The following RAB28 variants were observed in gnomAD, a reference collection of about 807,000 sequenced individuals.
RAB28 encodes ras-related protein Rab-28.
A neutral mutation model predicts 31.7 loss-of-function variants in RAB28; 24 were observed. That is an observed-to-expected ratio of 0.76 (90% CI 0.55 to 1.06). The LOEUF (loss-of-function observed/expected upper bound fraction) is 1.06, where lower values mean the gene tolerates loss of function less well. RAB28 is among the 50% of genes least tolerant of loss of function. The probability of loss-of-function intolerance (pLI) is 0.00; values close to 1 mark genes in which losing one functional copy is unlikely to be tolerated. For synonymous variants in RAB28, 100 were observed against 90.4 expected, an observed-to-expected ratio of 1.11 and a Z score of -0.60; for missense variants, 254 against 258.5, an observed-to-expected ratio of 0.98 and a Z score of 0.12.
intron 4 of RAB28, among the ~76,000 whole-genome samples, chr4:13,383,588 G>A (rs984236111): frequency 4.6e-5 from 7 of 152,090 alleles, no homozygotes; most frequent in Admixed American, 6.6e-5. Context: ...CTCATCTTGG[G>A]TGGCTGTGTC....
At chr4:13,468,821 A>G (rs908991364) in intron 3 of RAB28, among the ~76,000 whole-genome samples, 2 of 151,816 alleles carry the variant, frequency 1.3e-5, no homozygotes, top group African/African-American at 4.8e-5. Context: ...ACAAACCTCT[A>G]GTCAGGCTAA....
chr4:13,406,038 CAT>C (rs1712060785), intron 4 of RAB28, among the ~76,000 whole-genome samples: 1 of 152,130 alleles, frequency 6.6e-6, no homozygotes, highest in Non-Finnish European at 1.5e-5. Context: ...TTTTGGGACA[CAT>C]GTGCAGAACA....
At chr4:13,467,781 A>G (rs1715932010) in intron 3 of RAB28, among the ~76,000 whole-genome samples, 1 of 152,030 alleles carries the variant, frequency 6.6e-6, no homozygotes, top group Admixed American at 6.6e-5. Context: ...TAACCCAGCT[A>G]TATCAATAAA....
At chr4:13,461,631 T>C (rs544508838) in intron 3 of RAB28, among the ~76,000 whole-genome samples, 4 of 152,306 alleles carry the variant, frequency 2.6e-5, no homozygotes, top group African/African-American at 9.6e-5. Flanking sequence ...AAGGATTGCT[T>C]CCTGCCTCTT....
intron 4 of RAB28, among the ~76,000 whole-genome samples, chr4:13,402,577 T>C (rs1711833145): frequency 2.6e-5 from 4 of 152,222 alleles, no homozygotes; most frequent in Non-Finnish European, 5.9e-5. Flanking sequence ...TTGCAAAATA[T>C]ACCTTTTCCC....
chr4:13,412,957 G>GGACGT (rs1712527420), intron 4 of RAB28, among the ~76,000 whole-genome samples: 3 of 151,384 alleles, frequency 2.0e-5, no homozygotes, highest in Admixed American at 2.0e-4. Flanking sequence ...AAAAGATAAG[G>GGACGT]GACATGAAAG....
intron 4 of RAB28, among the ~76,000 whole-genome samples, chr4:13,431,096 C>G (rs894672952): frequency 6.6e-6 from 1 of 152,210 alleles, no homozygotes; most frequent in African/African-American, 2.4e-5. Flanking sequence ...CAGGCTTTCA[C>G]AAAGGGCGAG....
chr4:13,462,916 T>C (rs1715668412), intron 3 of RAB28, among the ~76,000 whole-genome samples: 1 of 152,118 alleles, frequency 6.6e-6, no homozygotes, highest in African/African-American at 2.4e-5. Flanking sequence ...CTGCCATGGG[T>C]GATATATTAT....
intron 5 of RAB28, among the ~76,000 whole-genome samples, chr4:13,378,879 A>G (rs1224170330): frequency 6.6e-6 from 1 of 152,086 alleles, no homozygotes; most frequent in Non-Finnish European, 1.5e-5. Context: ...AGAATAGAGG[A>G]GGATAGTTTG....
chr4:13,439,303 G>T lies in RAB28; in HGVS notation c.391+21396C>A, dbSNP rs1020570986. On this transcript the variant is annotated intron_variant, in intron 4 of 6. Transcript: ENST00000330852. ...TTTTCTTTGGTTGCTTGTGCTTTAG[G>T]TTTTATATTTAAGTATTTAAGACAC... Among the ~76,000 whole-genome samples, 20 of 151,644 alleles carry T rather than the reference G, an allele frequency of 1.3e-4. No individual in the cohort carries two copies. The East Asian group carries it at 3.7e-3, about 28-fold the overall frequency.
intron 4 of RAB28, among the ~76,000 whole-genome samples, chr4:13,399,791 T>C (rs1366398328): frequency 6.6e-6 from 1 of 152,182 alleles, no homozygotes; most frequent in African/African-American, 2.4e-5. Flanking sequence ...AGTATACCAG[T>C]CTTTTTCAGT....
rs1169744272 is a variant in RAB28 at position 13,453,226 on chromosome 4, A to C, written c.391+7473T>G. Among the ~76,000 whole-genome samples, 3 of 152,130 alleles carry C rather than the reference A, an allele frequency of 2.0e-5. No individual in the cohort carries two copies. In the East Asian group the frequency reaches 5.8e-4, roughly 29 times the overall value. ...TTGTTTATTTGTCTTAATATATTAAATAAGTCTATCTTTTAAATAAGAAAT... is the reference window on the plus strand; with the variant it reads ...TTGTTTATTTGTCTTAATATATTAACTAAGTCTATCTTTTAAATAAGAAAT... On this transcript the variant is annotated intron_variant, in intron 4 of 6. Transcript: ENST00000330852.
At chr4:13,405,585 G>A (rs1416875189) in intron 4 of RAB28, among the ~76,000 whole-genome samples, 1 of 151,986 alleles carries the variant, frequency 6.6e-6, no homozygotes, top group East Asian at 1.9e-4. Context: ...CCCAATATTT[G>A]TCAGAAATAC....
At chr4:13,460,545 T>C (rs1413678011) in intron 4 of RAB28, among the ~76,000 whole-genome samples, 154 bp downstream of exon 4, 1 of 152,132 alleles carries the variant, frequency 6.6e-6, no homozygotes, top group Non-Finnish European at 1.5e-5. Flanking sequence ...TCCACTCTCA[T>C]GACCTAATTA....
At chr4:13,443,198 G>A (rs1003303708) in intron 4 of RAB28, among the ~76,000 whole-genome samples, 25 of 149,584 alleles carry the variant, frequency 1.7e-4, no homozygotes, top group African/African-American at 5.2e-4. Flanking sequence ...TTTTTGAGAC[G>A]GAGTCTCCTT....
chr4:13,386,197 A>G (rs907144296), intron 4 of RAB28, among the ~76,000 whole-genome samples: 7 of 151,998 alleles, frequency 4.6e-5, no homozygotes, highest in African/African-American at 1.4e-4. Context: ...ACATAGGAAC[A>G]GGCAGATATT....
chr4:13,401,600 G>A (rs906396515), intron 4 of RAB28, among the ~76,000 whole-genome samples: 2 of 152,146 alleles, frequency 1.3e-5, no homozygotes, highest in African/African-American at 4.8e-5. Context: ...ATATTTTTGT[G>A]ATATTTGCTT....
intron 4 of RAB28, among the ~76,000 whole-genome samples, chr4:13,449,582 A>G (rs1440765479): frequency 6.6e-6 from 1 of 151,968 alleles, no homozygotes; most frequent in Non-Finnish European, 1.5e-5. Flanking sequence ...TAGTACTCCA[A>G]GAACTATCAA....
intron 4 of RAB28, among the ~76,000 whole-genome samples, chr4:13,439,015 T>C (rs1319778778): frequency 6.6e-6 from 1 of 152,220 alleles, no homozygotes; most frequent in Non-Finnish European, 1.5e-5. Context: ...TCACTGACAT[T>C]TTCCCAATGA....
Sources: gnomAD v4.1 joint callset for allele counts (sites outside exome capture counted in the v4.1 genomes callset) on GRCh38, gnomAD v4.1.1 for gene constraint, MANE v1.5 for transcripts, NCBI Gene and HGNC (gene_info 2026-07-23, HGNC 2026-07-21) for gene names.